The following FPR3 variants were observed in gnomAD, a reference collection of about 807,000 sequenced individuals.
FPR3 encodes the protein N-formyl peptide receptor 3.
For missense variants in FPR3, 346 were observed against 443.2 expected, an observed-to-expected ratio of 0.78 and a Z score of 1.97; for synonymous variants, 135 against 163.6, an observed-to-expected ratio of 0.83 and a Z score of 1.34.
At chr19:51,815,525 C>T (rs914329134) in intron 1 of FPR3, among the ~76,000 whole-genome samples, 6 of 150,318 alleles carry the variant, frequency 4.0e-5, no homozygotes, top group African/African-American at 7.4e-5. Flanking sequence ...GCCAAGATCC[C>T]GCCACTGCAC....
At position 51,806,147 on chromosome 19, in the gene FPR3, C is replaced by T. The variant is rs373774452; in HGVS notation, c.-11+10816C>T. On this transcript the variant is annotated intron_variant, in intron 1 of 1. Coordinates refer to ENST00000339223, the MANE Select transcript of FPR3 (RefSeq NM_002030.5). ...TAACATTAAGACTGTGTCGTGACTC[C>T]AGTCGGCCTTCTCTCCATCTTTGCA... 6.8e-4 allele frequency among the ~76,000 whole-genome samples: 104 copies of T among 152,266 alleles called. 1 individual carries two copies. Among genetic ancestry groups the T allele is most frequent in the African/African-American group, 2.4e-3 (100 of 41,552 alleles).
intron 1 of FPR3, among the ~76,000 whole-genome samples, chr19:51,816,999 A>G (rs569260158): frequency 6.6e-6 from 1 of 152,164 alleles, no homozygotes; most frequent in South Asian, 2.1e-4. Flanking sequence ...TGAATCTCTG[A>G]AGAAGAAAGG....
At chr19:51,799,725 T>A (rs2084018196) in intron 1 of FPR3, among the ~76,000 whole-genome samples, 1 of 152,182 alleles carries the variant, frequency 6.6e-6, no homozygotes, top group Non-Finnish European at 1.5e-5. Flanking sequence ...GCAGATCCTA[T>A]TGTAATGAGG....
chr19:51,825,122 C>A lies in FPR3; in HGVS notation c.*312C>A, dbSNP rs1038611053. The A allele has an allele frequency of 1.1e-5, 3 of 279,564 alleles. No individual in the cohort carries two copies. The highest frequency in any genetic ancestry group is 6.7e-5 in the African/African-American group (3 of 45,030). 17.3% of individuals were successfully genotyped at this position (279,564 alleles called of 1,614,324 possible). ...AAATCCAGGCTTCTGAAACTTCGGA[C>A]CAACCAGCTTCAATCAGGGTTCCCA... is the stretch of plus-strand genomic sequence containing the variant. On this transcript the variant is annotated 3_prime_UTR_variant, in exon 2 of 2. Transcript: ENST00000339223.
intron 1 of FPR3, among the ~76,000 whole-genome samples, chr19:51,796,013 CG>C (rs2083996632): frequency 6.6e-6 from 1 of 152,084 alleles, no homozygotes; most frequent in Non-Finnish European, 1.5e-5. Flanking sequence ...GTGGAGCTTA[CG>C]TACTAGTGTG....
chr19:51,821,436 G>A lies in FPR3; in HGVS notation c.-10-2303G>A, dbSNP rs571951302. Among the ~76,000 whole-genome samples the A allele has an allele frequency of 1.7e-4, 26 of 152,208 alleles. 1 individual carries two copies. Among genetic ancestry groups the A allele is most frequent in the Middle Eastern group, 6.8e-3 (2 of 294 alleles). ...TAGCATCGGTGGATAGAGGCCAGGG[G>A]TGTTGCTAAATATCCTACTGTGCAC... On this transcript the variant is annotated intron_variant, in intron 1 of 1. Transcript: ENST00000339223.
chr19:51,817,562 A>G (rs1029434181), intron 1 of FPR3: 2 of 152,104 alleles, frequency 1.3e-5, no homozygotes, highest in African/African-American at 4.8e-5. Flanking sequence ...TGTATGGAAA[A>G]AGCAACTTTG....
intron 1 of FPR3, among the ~76,000 whole-genome samples, chr19:51,797,984 C>T (rs368903380): frequency 1.1e-3 from 159 of 139,834 alleles, no homozygotes; most frequent in African/African-American, 3.8e-3. Flanking sequence ...TGGGTTCAAG[C>T]GATTCCCCCA....
intron 1 of FPR3, among the ~76,000 whole-genome samples, chr19:51,822,926 G>A (rs953132634): frequency 6.6e-6 from 1 of 152,010 alleles, no homozygotes; most frequent in African/African-American, 2.4e-5. Flanking sequence ...GCAGTGGCAC[G>A]ATCTTGGCTC....
At position 51,813,770 on chromosome 19, in the gene FPR3, G is replaced by A. The variant is rs577625485; in HGVS notation, c.-10-9969G>A. Among the ~76,000 whole-genome samples, 8 of 152,238 alleles carry A rather than the reference G, an allele frequency of 5.3e-5. No homozygotes were observed. In the East Asian group the frequency reaches 1.4e-3, roughly 26 times the overall value. On this transcript the variant is annotated intron_variant, in intron 1 of 1. Transcript: ENST00000339223. The stretch of plus-strand genomic sequence containing the variant: ...AGGATGGACTCGATCTCCTGACCTC[G>A]TGATCCACCCACCTCGGCCTCCCAA...
rs2084222752 is a variant in FPR3 at position 51,825,057 on chromosome 19, C to A, written c.*247C>A. The A allele has an allele frequency of 9.1e-6, 4 of 437,314 alleles. No individual in the cohort carries two copies. The highest frequency in any genetic ancestry group is 1.7e-5 in the Non-Finnish European group (4 of 235,834). The allele number at this position is 437,314 out of a possible 1,614,324, so 27.1% of individuals were successfully genotyped here. ...GTCAGATCCCACAGGTTTAAGGGCT[C>A]ATTCCCCAAGTCTGCTCCTCCAGTT... On this transcript the variant is annotated 3_prime_UTR_variant, in exon 2 of 2. Transcript: ENST00000339223.
intron 1 of FPR3, among the ~76,000 whole-genome samples, chr19:51,813,528 T>C (rs1226199097): frequency 1.3e-5 from 2 of 152,002 alleles, no homozygotes; most frequent in Non-Finnish European, 2.9e-5. Flanking sequence ...TAAAGGAGGA[T>C]GGGATGTTTT....
chr19:51,821,272 C>T (rs2084186683), intron 1 of FPR3, among the ~76,000 whole-genome samples: 1 of 152,142 alleles, frequency 6.6e-6, no homozygotes, highest in South Asian at 2.1e-4. Context: ...ATAAGAGTAG[C>T]GATCTAACTG....
At chr19:51,818,588 G>A (rs1393768001) in intron 1 of FPR3, among the ~76,000 whole-genome samples, 1 of 152,204 alleles carries the variant, frequency 6.6e-6, no homozygotes, top group Non-Finnish European at 1.5e-5. Flanking sequence ...ATACCTCTGA[G>A]GACAAGATAT....
At chr19:51,795,504 C>CCTTTTTTTTTTTTTTTTTTTTT (rs1568425575) in intron 1 of FPR3, among the ~76,000 whole-genome samples, 173 bp downstream of exon 1, 2 of 74,732 alleles carry the variant, frequency 2.7e-5, no homozygotes, top group Admixed American at 1.6e-4. Context: ...CAGTAACATT[C>CCTTTTTTTTTTTTTTTTTTTTT]TTTTTTTTTT....
intron 1 of FPR3, among the ~76,000 whole-genome samples, chr19:51,812,364 T>C (rs2084103313): frequency 6.6e-6 from 1 of 152,102 alleles, no homozygotes; most frequent in South Asian, 2.1e-4. Flanking sequence ...TATCTGAAAA[T>C]AAAAAATATC....
At chr19:51,811,629 C>T (rs1354457023) in intron 1 of FPR3, 2 of 152,176 alleles carry the variant, frequency 1.3e-5, no homozygotes, top group African/African-American at 4.8e-5. Context: ...CTGATTCTGT[C>T]GCTGTTCGGG....
At position 51,795,504 on chromosome 19, in the gene FPR3, C is replaced by CTTT. The variant is rs58620565; in HGVS notation, c.-11+200_-11+202dup. Among the ~76,000 whole-genome samples the CTTT allele has an allele frequency of 3.5e-4, 26 of 74,740 alleles. 2 individuals are homozygous for CTTT. Among genetic ancestry groups the CTTT allele is most frequent in the African/African-American group, 1.0e-3 (16 of 16,078 alleles). 49.0% of individuals were successfully genotyped at this position (74,740 alleles called of 152,430 possible). ...TTTGGTTACATGTTCCAGTAACATTCTTTTTTTTTTTTTTTTTTTTTTTTT... is the reference window on the plus strand; with the variant it reads ...TTTGGTTACATGTTCCAGTAACATTCTTTTTTTTTTTTTTTTTTTTTTTTTTTT... On this transcript the variant is annotated intron_variant, in intron 1 of 1. Coordinates refer to ENST00000339223, the MANE Select transcript of FPR3 (RefSeq NM_002030.5).
In FPR3 at chr19:51,825,628, C is replaced by T. The variant is rs1362252336; in HGVS notation, c.*818C>T. 4 of 167,262 alleles carry T rather than the reference C, an allele frequency of 2.4e-5. No homozygotes were observed. The highest frequency in any genetic ancestry group is 1.3e-4 in the Admixed American group (2 of 15,310). The allele number at this position is 167,262 out of a possible 1,614,324, so 10.4% of individuals were successfully genotyped here. On this transcript the variant is annotated 3_prime_UTR_variant, in exon 2 of 2. Coordinates refer to ENST00000339223, the MANE Select transcript of FPR3 (RefSeq NM_002030.5). ...ACCATGGGCTAAAACCAACATACAT[C>T]TTAATACCAGATACCCTAATCCCAG... is the stretch of plus-strand genomic sequence containing the variant.
Sources: allele counts gnomAD v4.1 joint callset (sites outside exome capture counted in the v4.1 genomes callset), GRCh38; gene constraint gnomAD v4.1.1; transcripts MANE v1.5; gene names NCBI Gene and HGNC (gene_info 2026-07-23, HGNC 2026-07-21).